DARS2: variants seen among roughly 807,000 people sequenced by gnomAD.
The protein encoded by DARS2 is aspartate--tRNA ligase, mitochondrial.
A neutral mutation model predicts 83.0 loss-of-function variants in DARS2; 63 were observed. The observed-to-expected ratio is 0.76, with a 90% CI of 0.62 to 0.94. The LOEUF (loss-of-function observed/expected upper bound fraction) is 0.94, where lower values mean the gene tolerates loss of function less well. Among genes scored for constraint, DARS2 ranks in the 40% least tolerant of loss-of-function variants. The pLI, the probability that DARS2 is intolerant of heterozygous loss-of-function variation, is 0.00. For synonymous variants in DARS2, 250 were observed against 269.3 expected, an observed-to-expected ratio of 0.93 and a Z score of 0.70; for missense variants, 675 against 774.4, an observed-to-expected ratio of 0.87 and a Z score of 1.52.
chr1:173,856,214 C>T (rs945077037), intron 15 of DARS2, among the ~76,000 whole-genome samples: 5 of 152,210 alleles, frequency 3.3e-5, no homozygotes, highest in African/African-American at 1.2e-4. Context: ...TACTGCCCCA[C>T]AAAAGTTACT....
In DARS2 at chr1:173,834,537, A is replaced by G. The variant is rs762985547; in HGVS notation, c.663+18A>G. 3.8e-6 allele frequency: 6 copies of G among 1,578,650 alleles called. No individual in the cohort carries two copies. In the East Asian group the frequency reaches 1.3e-4, roughly 35 times the overall value. ...CCCCAGGGGTATGTATATTCCTTCA[A>G]TCAGTCTATTAATAATGTCCTATTA... On this transcript the variant is annotated intron_variant, in intron 7 of 16. Transcript: ENST00000649689.
In DARS2 at chr1:173,830,574, C is replaced by T. The variant is rs369676976; in HGVS notation, c.295-86C>T. 88 of 1,095,610 alleles carry T rather than the reference C, an allele frequency of 8.0e-5. 1 individual carries two copies. The highest frequency in any genetic ancestry group is 2.8e-4 in the African/African-American group (18 of 64,850). The allele number at this position is 1,095,610 out of a possible 1,614,324, so 67.9% of individuals were successfully genotyped here. A position where few individuals can be genotyped will look rare whatever the true frequency, so the allele number is the denominator to read the frequency against. On this transcript the variant is annotated intron_variant, in intron 3 of 16. Transcript: ENST00000649689. ...ATGGTAATTAAGCTGTGACTATTAA[C>T]GTTTTTTAAACCATCTACTTATAAT...
At chr1:173,829,799 C>G (rs1013758494) in intron 3 of DARS2, among the ~76,000 whole-genome samples, 1 of 152,128 alleles carries the variant, frequency 6.6e-6, no homozygotes, top group African/African-American at 2.4e-5. Context: ...ACCCCAACTA[C>G]TCAGGAGGCT....
chr1:173,833,393 G>T lies in DARS2; in HGVS notation c.510G>T (p.Arg170=), dbSNP rs1223741296. ...KNFVKKTEAL[R]LQYRYLDLRS... ...TTCTTTAGAAAACAGAGGCTCTTCGGTTGCAGTATCGCTACTTAGACTTGC... is the reference window on the plus strand; with the variant it reads ...TTCTTTAGAAAACAGAGGCTCTTCGTTTGCAGTATCGCTACTTAGACTTGC... Residue 170 remains arginine (R), a synonymous_variant, in exon 6 of 17, where the codon CGG becomes CGT. Transcript: ENST00000649689. 7 of 1,608,536 alleles carry T rather than the reference G, an allele frequency of 4.4e-6. No homozygotes were observed. In the East Asian group the frequency reaches 1.1e-4, roughly 26 times the overall value.
rs769410018 is a variant in DARS2 at position 173,845,190 on chromosome 1, G to A, written c.1129-39G>A. On this transcript the variant is annotated intron_variant, in intron 11 of 16. Coordinates refer to ENST00000649689, the MANE Select transcript of DARS2 (RefSeq NM_018122.5). Reference sequence around the variant, plus strand: ...CATAACCATGTTTATGAAGCTAAGTGTCATACTGACAAGTTTACTTTGATT... The same window carrying A: ...CATAACCATGTTTATGAAGCTAAGTATCATACTGACAAGTTTACTTTGATT... 4.9e-6 allele frequency: 6 copies of A among 1,226,150 alleles called. No homozygotes were observed. The African/African-American group carries it at 8.9e-5, about 18-fold the overall frequency. 76.0% of individuals were successfully genotyped at this position (1,226,150 alleles called of 1,614,324 possible). A position where few individuals can be genotyped will look rare whatever the true frequency, so the allele number is the denominator to read the frequency against.
chr1:173,853,897 T>C lies in DARS2; in HGVS notation c.1666T>C (p.Leu556=). Residue 556 remains leucine, a synonymous_variant, in exon 15 of 17, where the codon TTA becomes CTA. Transcript: ENST00000649689. ...GCTGCAGCGTTATATCCTGGCAACC[T>C]TACTAAAGGTAACAAACATCATCTG... ...AELQRYILAT[L]LKEDVKMLSH... 6.2e-7 allele frequency: 1 copy of C among 1,612,774 alleles called. No homozygotes were observed. Among genetic ancestry groups the C allele is most frequent in the South Asian group, 1.1e-5 (1 of 91,058 alleles).
chr1:173,852,739 G>T (rs1653721801), intron 13 of DARS2, among the ~76,000 whole-genome samples: 1 of 152,092 alleles, frequency 6.6e-6, no homozygotes, highest in Non-Finnish European at 1.5e-5. Context: ...CCCTGACCTT[G>T]TGATCCGCCC....
At chr1:173,825,973 A>T (rs1029304743) in intron 1 of DARS2, among the ~76,000 whole-genome samples, 23 of 150,972 alleles carry the variant, frequency 1.5e-4, no homozygotes, top group African/African-American at 5.1e-4. Context: ...CGTTAATCCC[A>T]GCACTTTGGG....
chr1:173,848,559 G>T (rs1653527581), intron 12 of DARS2, among the ~76,000 whole-genome samples: 1 of 152,160 alleles, frequency 6.6e-6, no homozygotes, highest in Admixed American at 6.5e-5. Flanking sequence ...ACAGTGCATT[G>T]CTAGACAGCA....
rs1007816262 is a variant in DARS2 at position 173,824,700 on chromosome 1, C to G, written c.-530C>G. On this transcript the variant is annotated 5_prime_UTR_variant, in exon 1 of 17. In the 5' UTR this introduces an upstream ATG that the reference lacks. Transcript: ENST00000649689. ...AGGGCGCTTGGACCCCAGCGGCGAT[C>G]TGTGTTTGGGTTCGCGCTCTGGGAG... 1.2e-5 allele frequency: 2 copies of G among 165,588 alleles called. No individual in the cohort carries two copies. The highest frequency in any genetic ancestry group is 2.7e-5 in the Non-Finnish European group (2 of 75,140). The allele number at this position is 165,588 out of a possible 1,614,324, so 10.3% of individuals were successfully genotyped here. A position where few individuals can be genotyped will look rare whatever the true frequency, so the allele number is the denominator to read the frequency against.
chr1:173,836,877 T>C (rs1653023344), intron 7 of DARS2, 63 bp from the exon 8 acceptor site: 2 of 1,350,024 alleles, frequency 1.5e-6, no homozygotes, highest in East Asian at 2.3e-5. Context: ...TAGTTAGTTA[T>C]ACTTTGGGTT....
intron 11 of DARS2, among the ~76,000 whole-genome samples, chr1:173,843,005 G>A (rs1489958724): frequency 6.6e-6 from 1 of 151,388 alleles, no homozygotes; most frequent in Non-Finnish European, 1.5e-5. Context: ...ATATGTTCAG[G>A]TAAGCTCAGT....
rs121918212 is a variant in DARS2 at position 173,857,604 on chromosome 1, C to T, written c.1837C>T (p.Leu613Phe). The change falls in exon 17 of 17, where the codon CTC (leucine) becomes TTC (phenylalanine). Residue 613 changes from leucine (L) to phenylalanine (F), a missense_variant. Physicochemically the swap from Leu to Phe is conservative, Grantham distance 22 (BLOSUM62 0). Coordinates refer to ENST00000649689, the MANE Select transcript of DARS2 (RefSeq NM_018122.5). ...CCCAAAGTCCTTCCGGGGACATGAC[C>T]TCATGAGCAATACCCCAGATTCTGT... ...AFPKSFRGHD[L>F]MSNTPDSVPP... The T allele has an allele frequency of 2.5e-6, 4 of 1,614,042 alleles. No individual in the cohort carries two copies. In the African/African-American group the frequency reaches 4.0e-5, roughly 16 times the overall value.
intron 11 of DARS2, among the ~76,000 whole-genome samples, chr1:173,842,297 T>TG: frequency 1.4e-5 from 1 of 71,804 alleles, no homozygotes; most frequent in African/African-American, 4.9e-5. Context: ...TTTTTTTTTT[T>TG]TTTTTTTTTT....
In DARS2 at chr1:173,858,529, A is replaced by G. The variant is rs1230956693; in HGVS notation, c.*824A>G. 2 of 152,110 alleles carry G rather than the reference A, an allele frequency of 1.3e-5. No individual in the cohort carries two copies. Among genetic ancestry groups the G allele is most frequent in the Non-Finnish European group, 2.9e-5 (2 of 68,016 alleles). 9.4% of individuals were successfully genotyped at this position (152,110 alleles called of 1,614,324 possible). On this transcript the variant is annotated 3_prime_UTR_variant, in exon 17 of 17. Coordinates refer to ENST00000649689, the MANE Select transcript of DARS2 (RefSeq NM_018122.5). ...AAACAAAACTGATATCAATAGTAAA[A>G]GTCATTTTACTTATCAATTTTCTGT...
intron 10 of DARS2, among the ~76,000 whole-genome samples, chr1:173,840,193 A>G (rs1653152964): frequency 6.6e-6 from 1 of 152,146 alleles, no homozygotes; most frequent in South Asian, 2.1e-4. Context: ...ACAGCTGCCA[A>G]CTCAACTACT....
At chr1:173,855,128 G>C (rs2102663951) in intron 15 of DARS2, among the ~76,000 whole-genome samples, 1 of 149,522 alleles carries the variant, frequency 6.7e-6, no homozygotes, top group South Asian at 2.1e-4. Context: ...TTTTGAGACA[G>C]AGTCTTGCTC....
Position 173,857,653 on chromosome 1 carries a change from A to T in DARS2, c.1886A>T (p.Tyr629Phe). 4 of 1,614,104 alleles carry T rather than the reference A, an allele frequency of 2.5e-6. No individual in the cohort carries two copies. Among genetic ancestry groups the T allele is most frequent in the Non-Finnish European group, 3.4e-6 (4 of 1,180,000 alleles). The part of the protein sequence containing the change: ...DSVPPEELKP[Y>F]HIRVSKPTDS... ...GTCCCTCCTGAGGAACTGAAGCCCTATCATATCCGAGTCTCCAAGCCAACA... is the reference window on the plus strand; with the variant it reads ...GTCCCTCCTGAGGAACTGAAGCCCTTTCATATCCGAGTCTCCAAGCCAACA... Residue 629 changes from tyrosine to phenylalanine, a missense_variant, in exon 17 of 17, where the codon TAT becomes TTT. Transcript: ENST00000649689.
chr1:173,845,118 C>T lies in DARS2; in HGVS notation c.1129-111C>T, dbSNP rs1344379312. 1.1e-5 allele frequency: 8 copies of T among 751,556 alleles called. No homozygotes were observed. The East Asian group carries it at 1.9e-4, about 18-fold the overall frequency. The allele number at this position is 751,556 out of a possible 1,614,324, so 46.6% of individuals were successfully genotyped here. A position where few individuals can be genotyped will look rare whatever the true frequency, so the allele number is the denominator to read the frequency against. On this transcript the variant is annotated intron_variant, in intron 11 of 16. Transcript: ENST00000649689. ...CCCAGACATTGAATTTTTATTAAAT[C>T]TTACTATTGTAATAGAAAGACACAA...
Sources: allele counts gnomAD v4.1 joint callset (sites outside exome capture counted in the v4.1 genomes callset), GRCh38; gene constraint gnomAD v4.1.1; transcripts MANE v1.5; gene names NCBI Gene and HGNC (gene_info 2026-07-23, HGNC 2026-07-21).